Variants in RAP1A observed in about 807,000 individuals in gnomAD.
RAP1A encodes RAP1A, member of RAS oncogene family.
RAP1A carries 6 observed loss-of-function variants against 26.4 expected under a neutral mutation model. The ratio of observed to expected loss-of-function variants is 0.23; its 90% CI spans 0.12 to 0.45. RAP1A has a LOEUF of 0.45. Among genes scored for constraint, RAP1A ranks in the 20% least tolerant of loss-of-function variants. RAP1A has a pLI of 0.99. For missense variants in RAP1A, 121 were observed against 217.2 expected, an observed-to-expected ratio of 0.56 and a Z score of 2.78; for synonymous variants, 73 against 79.4, an observed-to-expected ratio of 0.92 and a Z score of 0.43.
chr1:111,607,006 T>C (rs1042739427), intron 1 of RAP1A, among the ~76,000 whole-genome samples: 1 of 137,344 alleles, frequency 7.3e-6, no homozygotes, highest in African/African-American at 3.3e-5. Context: ...CATTTTCTTT[T>C]ATTTATTTAT....
chr1:111,632,662 C>T (rs1321536832), intron 1 of RAP1A, among the ~76,000 whole-genome samples: 1 of 152,044 alleles, frequency 6.6e-6, no homozygotes, highest in Non-Finnish European at 1.5e-5. Context: ...CCTGTAATCC[C>T]AGCACTTTGG....
At chr1:111,617,444 TA>T (rs1217417363), upstream of RAP1A, among the ~76,000 whole-genome samples, 13 of 152,270 alleles carry the variant, frequency 8.5e-5, no homozygotes, top group East Asian at 2.5e-3. Flanking sequence ...TCATCAATTT[TA>T]CCTCTCTTAC....
In RAP1A at chr1:111,716,343, A is replaced by T. The variant is rs1459216789; in HGVS notation, c.*3942A>T. The T allele has an allele frequency of 6.6e-6, 1 of 152,184 alleles. No homozygotes were observed. The highest frequency in any genetic ancestry group is 2.4e-5 in the African/African-American group (1 of 41,426). The allele number at this position is 152,184 out of a possible 1,614,324, so 9.4% of individuals were successfully genotyped here. ...TTATTCTTGAAAATGTAGTCCAGAC[A>T]TTTCTTTGATCCTGGATTTTACTGC... On this transcript the variant is annotated 3_prime_UTR_variant, in exon 8 of 8. Transcript: ENST00000369709.
At chr1:111,700,182 A>G (rs1054619950) in intron 4 of RAP1A, among the ~76,000 whole-genome samples, 6 of 152,188 alleles carry the variant, frequency 3.9e-5, no homozygotes. Flanking sequence ...TACAATCTGT[A>G]TGCTGATAAA....
At chr1:111,547,654 T>G (rs1392288248) in intron 1 of RAP1A, among the ~76,000 whole-genome samples, 1 of 152,134 alleles carries the variant, frequency 6.6e-6, no homozygotes, top group African/African-American at 2.4e-5. Flanking sequence ...ATTGGTGCCT[T>G]TTACAGATTT....
chr1:111,617,630 T>C (rs1238592366), upstream of RAP1A, among the ~76,000 whole-genome samples: 1 of 149,910 alleles, frequency 6.7e-6, no homozygotes, highest in Non-Finnish European at 1.5e-5. Flanking sequence ...GAGATGGGGT[T>C]TCACCGTGTT....
chr1:111,651,567 C>T (rs1035060188), intron 1 of RAP1A, among the ~76,000 whole-genome samples: 6 of 150,930 alleles, frequency 4.0e-5, no homozygotes, highest in African/African-American at 1.5e-4. Context: ...ACCTCTGCCT[C>T]CCAGGTTCAA....
intron 1 of RAP1A, among the ~76,000 whole-genome samples, chr1:111,688,766 GC>G (rs1661573404): frequency 1.3e-5 from 2 of 150,214 alleles, no homozygotes; most frequent in South Asian, 4.2e-4. Flanking sequence ...CAGGAGGGGG[GC>G]TCATTGAGTT....
chr1:111,691,472 A>G, intron 2 of RAP1A, 55 bp downstream of exon 2: 1 of 1,499,224 alleles, frequency 6.7e-7, no homozygotes, highest in Non-Finnish European at 9.3e-7. Flanking sequence ...GAATTTTGAC[A>G]TTTCCTTGCT....
At chr1:111,620,584 T>TC (rs35277678) in intron 1 of RAP1A, among the ~76,000 whole-genome samples, 11,174 of 152,070 alleles carry the variant, frequency 0.073, 477 homozygotes, top group African/African-American at 0.13. Flanking sequence ...CTTCCTTTAT[T>TC]CCCCCAGTTA....
chr1:111,702,538 A>G (rs1230640190), intron 4 of RAP1A, among the ~76,000 whole-genome samples: 1 of 152,014 alleles, frequency 6.6e-6, no homozygotes, highest in South Asian at 2.1e-4. Context: ...GTTTGGAATG[A>G]GGGGGAAAAT....
chr1:111,614,342 C>A (rs957691868), intron 1 of RAP1A, among the ~76,000 whole-genome samples: 1 of 152,166 alleles, frequency 6.6e-6, no homozygotes, highest in African/African-American at 2.4e-5. Context: ...ATTTTTCCTG[C>A]CTTTGTATCC....
chr1:111,627,937 C>CA (rs148865042), intron 1 of RAP1A, among the ~76,000 whole-genome samples: 9,235 of 148,022 alleles, frequency 0.062, 290 homozygotes, highest in South Asian at 0.09. Flanking sequence ...TTTGAAAAAA[C>CA]AAAAAAAAAA....
Position 111,716,304 on chromosome 1 carries a change from G to T in RAP1A, c.*3903G>T, listed in dbSNP as rs551564643. ...TTTTAGTATTTATGTTCCCCAAAAT[G>T]TAAAAACTGTAAGTTATTCTTGAAA... On this transcript the variant is annotated 3_prime_UTR_variant, in exon 8 of 8. Coordinates refer to ENST00000369709, the MANE Select transcript of RAP1A (RefSeq NM_002884.4). 6.6e-6 allele frequency: 1 copy of T among 152,156 alleles called. No individual in the cohort carries two copies. The allele number at this position is 152,156 out of a possible 1,614,324, so 9.4% of individuals were successfully genotyped here. A position where few individuals can be genotyped will look rare whatever the true frequency, so the allele number is the denominator to read the frequency against.
At chr1:111,633,679 A>G (rs1659642036) in intron 1 of RAP1A, among the ~76,000 whole-genome samples, 1 of 152,250 alleles carries the variant, frequency 6.6e-6, no homozygotes, top group South Asian at 2.1e-4. Context: ...GTTGTAAAAC[A>G]TCCCTTTGAA....
At chr1:111,632,805 C>G (rs1659607838) in intron 1 of RAP1A, among the ~76,000 whole-genome samples, 1 of 151,450 alleles carries the variant, frequency 6.6e-6, no homozygotes, top group Non-Finnish European at 1.5e-5. Flanking sequence ...CCTGTAATCC[C>G]AGCTACTCAG....
At chr1:111,711,463 A>G (rs892327676) in intron 7 of RAP1A, among the ~76,000 whole-genome samples, 2 of 152,224 alleles carry the variant, frequency 1.3e-5, no homozygotes, top group African/African-American at 4.8e-5. Flanking sequence ...GTTTTACCTT[A>G]GAGAAGATAA....
intron 3 of RAP1A, among the ~76,000 whole-genome samples, chr1:111,696,120 G>T (rs930646655): frequency 2.0e-5 from 3 of 152,064 alleles, no homozygotes; most frequent in African/African-American, 7.2e-5. Flanking sequence ...AAAAAAATTA[G>T]GTACTTGGTC....
chr1:111,656,022 G>C (rs1660447660), intron 1 of RAP1A, among the ~76,000 whole-genome samples: 1 of 151,708 alleles, frequency 6.6e-6, no homozygotes, highest in Non-Finnish European at 1.5e-5. Flanking sequence ...TTCCATGTGA[G>C]AATATAAGAC....
Sources: allele counts gnomAD v4.1 joint callset (sites outside exome capture counted in the v4.1 genomes callset), GRCh38; gene constraint gnomAD v4.1.1; transcripts MANE v1.5; gene names NCBI Gene and HGNC (gene_info 2026-07-23, HGNC 2026-07-21).